Variants in C4orf54 observed in about 807,000 individuals in gnomAD.
C4orf54 encodes the protein chromosome 4 open reading frame 54.
C4orf54 carries 67 observed loss-of-function variants against 80.1 expected under a neutral mutation model. The observed-to-expected ratio is 0.84, with a 90% CI of 0.69 to 1.03. The LOEUF (loss-of-function observed/expected upper bound fraction) is 1.03, where lower values mean the gene tolerates loss of function less well. C4orf54 is among the 50% of genes least tolerant of loss of function. C4orf54 has a pLI of 0.00. For synonymous variants in C4orf54, 1,000 were observed against 917.0 expected (o/e 1.09, Z -1.64); for missense variants, 2,434 against 2,253.5 (o/e 1.08, Z -1.62).
In C4orf54 at chr4:99,640,915, G is replaced by A. The variant is rs1726596692; in HGVS notation, c.*318C>T. ...TGTTTGTCTAGTCACAAGTACAGGG[G>A]GGAAGGAGGTGAATAGAAAGCTTAT... On this transcript the variant is annotated 3_prime_UTR_variant, in exon 3 of 3. Transcript: ENST00000511828. The A allele has an allele frequency of 6.6e-6, 1 of 152,084 alleles. No individual in the cohort carries two copies. Among genetic ancestry groups the A allele is most frequent in the Non-Finnish European group, 1.5e-5 (1 of 67,992 alleles). The allele number at this position is 152,084 out of a possible 1,614,324, so 9.4% of individuals were successfully genotyped here. A position where few individuals can be genotyped will look rare whatever the true frequency, so the allele number is the denominator to read the frequency against.
At position 99,650,034 on chromosome 4, in the gene C4orf54, G is replaced by A. The variant is rs979754246; in HGVS notation, c.4615C>T (p.Pro1539Ser). 6 of 1,535,706 alleles carry A rather than the reference G, an allele frequency of 3.9e-6. No individual in the cohort carries two copies. Among genetic ancestry groups the A allele is most frequent in the Non-Finnish European group, 4.4e-6 (5 of 1,146,794 alleles). Reference protein sequence around the residue: ...RPAWRTKPDNPRETVAAPPGP... With the variant: ...RPAWRTKPDNSRETVAAPPGP... ...GGGGGGGCAGCTACTGTCTCCCGGG[G>A]GTTGTCAGGTTTGGTACGCCAAGCT... is the stretch of plus-strand genomic sequence containing the variant. The change falls in exon 2 of 3, where the codon CCC (proline) becomes TCC (serine). Residue 1539 changes from proline (P) to serine (S), a missense_variant. Physicochemically the swap from Pro to Ser is moderately conservative, Grantham distance 74 (BLOSUM62 -1). Coordinates refer to ENST00000511828, the MANE Select transcript of C4orf54 (RefSeq NM_001354435.2).
In C4orf54 at chr4:99,652,114, GGAGGTGCCT is replaced by G. The variant is rs1232751953; in HGVS notation, c.2526_2534del (p.Gly843_Ser845del). The G allele has an allele frequency of 6.5e-7, 1 of 1,536,076 alleles. No individual in the cohort carries two copies. The highest frequency in any genetic ancestry group is 2.4e-5 in the East Asian group (1 of 40,882). On this transcript the variant is annotated inframe_deletion, in exon 2 of 3. Coordinates refer to ENST00000511828, the MANE Select transcript of C4orf54 (RefSeq NM_001354435.2). ...TCCCGCGGGCGCCCTCCGTCTCCTT[GGAGGTGCCT>G]GAGAGGTGGTGGGATGTATCCATGA...
Position 99,649,333 on chromosome 4 carries a change from C to T in C4orf54, c.5316G>A (p.Gly1772=), listed in dbSNP as rs1302117235. 17 of 1,535,904 alleles carry T rather than the reference C, an allele frequency of 1.1e-5. No individual in the cohort carries two copies. Among genetic ancestry groups the T allele is most frequent in the Non-Finnish European group, 1.5e-5 (17 of 1,146,856 alleles). The part of the protein sequence containing the change: ...PVISITSQPL[G]PRIIAPPSFD... ...AGGAAGGGGGAGCAATGATCCGTGG[C>T]CCCAGGGGCTGCGAAGTAATGCTGA... Residue 1772 remains glycine, a synonymous_variant, in exon 2 of 3, where the codon GGG becomes GGA. Transcript: ENST00000511828.
Position 99,651,322 on chromosome 4 carries a change from C to T in C4orf54, c.3327G>A (p.Arg1109=). 2 of 1,536,162 alleles carry T rather than the reference C, an allele frequency of 1.3e-6. No individual in the cohort carries two copies. The highest frequency in any genetic ancestry group is 1.7e-6 in the Non-Finnish European group (2 of 1,146,918). Residue 1109 remains arginine (R), a synonymous_variant, in exon 2 of 3, where the codon AGG becomes AGA. Coordinates refer to ENST00000511828, the MANE Select transcript of C4orf54 (RefSeq NM_001354435.2). The part of the protein sequence containing the change: ...QGPLHQVRDV[R]KLIKGSGDSS... ...TATCCCCTGACCCTTTAATTAGTTT[C>T]CTGACATCTCTCACCTGGTGGAGGG...
At position 99,652,171 on chromosome 4, in the gene C4orf54, C is replaced by A. The variant is rs1368931054; in HGVS notation, c.2478G>T (p.Glu826Asp). The change falls in exon 2 of 3, where the codon GAG becomes GAT. Residue 826 changes from glutamate (E) to aspartate (D), a missense_variant. Transcript: ENST00000511828. ...VISKKMQREH[E>D]FKMERGEVMD... ...TGACTTCTCCCCTCTCCATTTTGAA[C>A]TCGTGTTCCCGCTGCATCTTCTTGG... 1 of 1,536,074 alleles carries A rather than the reference C, an allele frequency of 6.5e-7. No individual in the cohort carries two copies. Among genetic ancestry groups the A allele is most frequent in the Non-Finnish European group, 8.7e-7 (1 of 1,146,890 alleles).
In C4orf54 at chr4:99,653,767, C is replaced by T; in HGVS notation, c.882G>A (p.Gly294=). The T allele has an allele frequency of 2.0e-6, 3 of 1,536,076 alleles. No homozygotes were observed. In the South Asian group the frequency reaches 3.6e-5, roughly 18 times the overall value. The stretch of plus-strand genomic sequence containing the variant: ...AGGATGAAGAGGAGGTGGCCAGAGC[C>T]CCTGTGGATGTGGTGGAGTCCTCCA... ...SKMEDSTTST[G]ALATSSSSLG... The change falls in exon 2 of 3, where the codon GGG becomes GGA. Residue 294 remains glycine, a synonymous_variant. Transcript: ENST00000511828.
rs1027038317 is a variant in C4orf54, at chr4:99,639,688, C to A, written c.*1545G>T. ...CAGAGTAAGATCCCTTAAAGGAAGG[C>A]CCTGAAAGTGAAATTAAGTCTTTTT... On this transcript the variant is annotated 3_prime_UTR_variant, in exon 3 of 3. Transcript: ENST00000511828. The A allele has an allele frequency of 2.6e-5, 4 of 152,032 alleles. No homozygotes were observed. The highest frequency in any genetic ancestry group is 4.8e-5 in the African/African-American group (2 of 41,412). 9.4% of individuals were successfully genotyped at this position (152,032 alleles called of 1,614,324 possible). A position where few individuals can be genotyped will look rare whatever the true frequency, so the allele number is the denominator to read the frequency against.
At position 99,639,479 on chromosome 4, in the gene C4orf54, A is replaced by G. The variant is rs563632882; in HGVS notation, c.*1754T>C. ...AAGAAGACCTCTATGATAAAGAAAT[A>G]TCTTTTTCTTGAATTTGGCACAAGG... On this transcript the variant is annotated 3_prime_UTR_variant, in exon 3 of 3. Coordinates refer to ENST00000511828, the MANE Select transcript of C4orf54 (RefSeq NM_001354435.2). The G allele has an allele frequency of 1.3e-5, 2 of 152,274 alleles. No homozygotes were observed. Among genetic ancestry groups the G allele is most frequent in the African/African-American group, 4.8e-5 (2 of 41,576 alleles). 9.4% of individuals were successfully genotyped at this position (152,274 alleles called of 1,614,324 possible).
chr4:99,651,159 C>T lies in C4orf54; in HGVS notation c.3490G>A (p.Asp1164Asn). 1 of 1,536,186 alleles carries T rather than the reference C, an allele frequency of 6.5e-7. No individual in the cohort carries two copies. The highest frequency in any genetic ancestry group is 8.7e-7 in the Non-Finnish European group (1 of 1,146,916). Residue 1164 changes from aspartate (D) to asparagine (N), a missense_variant, in exon 2 of 3, where the codon GAC (aspartate) becomes AAC (asparagine). Asp to Asn is a conservative substitution (Grantham distance 23). Coordinates refer to ENST00000511828, the MANE Select transcript of C4orf54 (RefSeq NM_001354435.2). ...TCCCTGGGCTCTCGGTCCATGCTGT[C>T]TTCCCTCTGGTTCACTACAGCCTGG... ...TCQAVVNQRE[D>N]SMDREPRESM...
At chr4:99,647,047 A>G (rs943730465) in intron 2 of C4orf54, among the ~76,000 whole-genome samples, 2 of 152,200 alleles carry the variant, frequency 1.3e-5, no homozygotes, top group African/African-American at 2.4e-5. Flanking sequence ...CTTTCTGTCT[A>G]TCTTTAGGGC....
rs1468441882 is a variant in C4orf54 at position 99,652,264 on chromosome 4, C to G, written c.2385G>C (p.Lys795Asn). The change falls in exon 2 of 3, where the codon AAG becomes AAC. Residue 795 changes from lysine (K) to asparagine (N), a missense_variant. Physicochemically the swap from Lys to Asn is moderately conservative, Grantham distance 94. Coordinates refer to ENST00000511828, the MANE Select transcript of C4orf54 (RefSeq NM_001354435.2). Reference sequence around the variant, plus strand: ...GGGGGCCATCGGCGCGGGAGGTGGGCTTGCTGCCCTCGGAGGTCTCGGAGC... The same window carrying G: ...GGGGGCCATCGGCGCGGGAGGTGGGGTTGCTGCCCTCGGAGGTCTCGGAGC... ...DDGSETSEGSKPTSRADGPQK... is the reference protein window; with the variant it reads ...DDGSETSEGSNPTSRADGPQK... 1.3e-6 allele frequency: 2 copies of G among 1,535,942 alleles called. No individual in the cohort carries two copies. The highest frequency in any genetic ancestry group is 2.0e-5 in the Admixed American group (1 of 50,996).
chr4:99,651,453 C>T lies in C4orf54; in HGVS notation c.3196G>A (p.Glu1066Lys). ...GSASNLFKTIEDNSRAQQKLF... is the reference protein window; with the variant it reads ...GSASNLFKTIKDNSRAQQKLF... The stretch of plus-strand genomic sequence containing the variant: ...TTCTGCTGTGCCCTGCTGTTGTCCT[C>T]GATGGTCTTGAACAGGTTAGAGGCG... Residue 1066 changes from glutamate to lysine, a missense_variant, in exon 2 of 3, where the codon GAG (glutamate) becomes AAG (lysine). Coordinates refer to ENST00000511828, the MANE Select transcript of C4orf54 (RefSeq NM_001354435.2). 1 of 1,536,264 alleles carries T rather than the reference C, an allele frequency of 6.5e-7. No homozygotes were observed. The highest frequency in any genetic ancestry group is 1.4e-5 in the African/African-American group (1 of 73,142).
Position 99,651,126 on chromosome 4 carries a change from C to G in C4orf54, c.3523G>C (p.Gly1175Arg). ...AAGACTCTGCTGCCGCCCCCTTTGCCCATGCTTTCCCTGGGCTCTCGGTCC... is the reference window on the plus strand; with the variant it reads ...AAGACTCTGCTGCCGCCCCCTTTGCGCATGCTTTCCCTGGGCTCTCGGTCC... ...SMDREPRESM[G>R]KGGGSRVLNS... Residue 1175 changes from glycine (G) to arginine (R), a missense_variant, in exon 2 of 3, where the codon GGC becomes CGC. Physicochemically the swap from Gly to Arg is moderately radical, Grantham distance 125 (BLOSUM62 -2). Coordinates refer to ENST00000511828, the MANE Select transcript of C4orf54 (RefSeq NM_001354435.2). 1 of 1,536,156 alleles carries G rather than the reference C, an allele frequency of 6.5e-7. No individual in the cohort carries two copies. Among genetic ancestry groups the G allele is most frequent in the African/African-American group, 1.4e-5 (1 of 73,170 alleles).
chr4:99,644,947 C>G (rs1328041342), intron 2 of C4orf54, among the ~76,000 whole-genome samples: 2 of 149,586 alleles, frequency 1.3e-5, no homozygotes, highest in African/African-American at 4.9e-5. Context: ...GGGACAGACA[C>G]CAGGAAGTAA....
Position 99,653,719 on chromosome 4 carries a change from A to T in C4orf54, c.930T>A (p.Gly310=), listed in dbSNP as rs775989941. 517 of 1,530,036 alleles carry T rather than the reference A, an allele frequency of 3.4e-4. No homozygotes were observed. The highest frequency in any genetic ancestry group is 4.3e-4 in the Non-Finnish European group (487 of 1,144,262). The allele number at this position is 1,530,036 out of a possible 1,614,324, so 94.8% of individuals were successfully genotyped here. A position where few individuals can be genotyped will look rare whatever the true frequency, so the allele number is the denominator to read the frequency against. Residue 310 remains glycine, a synonymous_variant, in exon 2 of 3, where the codon GGT becomes GGA. Transcript: ENST00000511828. Reference sequence around the variant, plus strand: ...CCACGGCCTGGCAACCTTCACTTTCACCACTCTCACTCTCGAAGCCTAAGG... The same window carrying T: ...CCACGGCCTGGCAACCTTCACTTTCTCCACTCTCACTCTCGAAGCCTAAGG... ...SSSLGFESES[G]ESEGCQAVGG...
chr4:99,651,655 T>G lies in C4orf54; in HGVS notation c.2994A>C (p.Thr998=). The part of the protein sequence containing the change: ...SRLFVPNIQQ[T]PKDKQPRKQA... ...GCTTCCTCGGCTGCTTGTCCTTGGGTGTCTGCTGGATGTTGGGGACAAAGA... is the reference window on the plus strand; with the variant it reads ...GCTTCCTCGGCTGCTTGTCCTTGGGGGTCTGCTGGATGTTGGGGACAAAGA... Residue 998 remains threonine (T), a synonymous_variant, in exon 2 of 3, where the codon ACA becomes ACC. Transcript: ENST00000511828. 6.5e-7 allele frequency: 1 copy of G among 1,536,052 alleles called. No individual in the cohort carries two copies. Among genetic ancestry groups the G allele is most frequent in the Non-Finnish European group, 8.7e-7 (1 of 1,146,880 alleles).
rs78537436 is a variant in C4orf54, at chr4:99,650,343, G to A, written c.4306C>T (p.Arg1436Trp). The change falls in exon 2 of 3, where the codon CGG becomes TGG. Residue 1436 changes from arginine to tryptophan, a missense_variant. Physicochemically the swap from Arg to Trp is moderately radical, Grantham distance 101 (BLOSUM62 -3). Coordinates refer to ENST00000511828, the MANE Select transcript of C4orf54 (RefSeq NM_001354435.2). ...AAKGIKSQGL[R>W]SLKISPATRA... ...GTGGCTGGAGAGATCTTGAGGGACCGGAGTCCCTGCGACTTGATGCCCTTA... is the reference window on the plus strand; with the variant it reads ...GTGGCTGGAGAGATCTTGAGGGACCAGAGTCCCTGCGACTTGATGCCCTTA... 5.9e-6 allele frequency: 9 copies of A among 1,535,942 alleles called. No homozygotes were observed. Among genetic ancestry groups the A allele is most frequent in the Admixed American group, 2.0e-5 (1 of 50,974 alleles).
intron 2 of C4orf54, among the ~76,000 whole-genome samples, chr4:99,646,345 T>G (rs1726701217): frequency 6.6e-6 from 1 of 152,206 alleles, no homozygotes; most frequent in Admixed American, 6.5e-5. Context: ...AATGTAGGCA[T>G]GTAATTCATG....
rs1331585101 is a variant in C4orf54 at position 99,653,753 on chromosome 4, G to A, written c.896C>T (p.Ser299Phe). 5 of 1,535,894 alleles carry A rather than the reference G, an allele frequency of 3.3e-6. No homozygotes were observed. In the African/African-American group the frequency reaches 6.8e-5, roughly 21 times the overall value. ...STTSTGALAT[S>F]SSSLGFESES... ...ACTCTCGAAGCCTAAGGATGAAGAG[G>A]AGGTGGCCAGAGCCCCTGTGGATGT... The change falls in exon 2 of 3, where the codon TCC (serine) becomes TTC (phenylalanine). Residue 299 changes from serine to phenylalanine, a missense_variant. Physicochemically the swap from Ser to Phe is radical, Grantham distance 155. Transcript: ENST00000511828.
Sources: gnomAD v4.1 joint callset for allele counts (sites outside exome capture counted in the v4.1 genomes callset) on GRCh38, gnomAD v4.1.1 for gene constraint, MANE v1.5 for transcripts, NCBI Gene and HGNC (gene_info 2026-07-23, HGNC 2026-07-21) for gene names.